ABHD17B: variants seen among roughly 807,000 people sequenced by gnomAD.
ABHD17B encodes the protein alpha/beta hydrolase domain-containing protein 17B.
Under a neutral mutation model 26.2 loss-of-function variants are expected in ABHD17B, and 9 were observed. The observed-to-expected ratio is 0.34, with a 90% CI of 0.21 to 0.60. The LOEUF is 0.60. Ranked by LOEUF, ABHD17B falls within the 20% of genes least tolerant of loss-of-function variation. The pLI is 0.80. For missense variants in ABHD17B, 224 were observed against 352.1 expected, an observed-to-expected ratio of 0.64 and a Z score of 2.91; for synonymous variants, 127 against 122.3, an observed-to-expected ratio of 1.04 and a Z score of -0.25.
chr9:71,885,838 G>T (rs1826591946), intron 1 of ABHD17B, among the ~76,000 whole-genome samples: 1 of 152,088 alleles, frequency 6.6e-6, no homozygotes, highest in African/African-American at 2.4e-5. Context: ...TGATCTCCTT[G>T]TAATAGTTTC....
Position 71,874,955 on chromosome 9 carries a change from G to A in ABHD17B, c.126C>T (p.Ser42=), listed in dbSNP as rs780063400. 2.8e-5 allele frequency: 46 copies of A among 1,614,052 alleles called. No individual in the cohort carries two copies. The highest frequency in any genetic ancestry group is 3.3e-4 in the Middle Eastern group (2 of 6,084). The change falls in exon 2 of 4, where the codon AGC becomes AGT. Residue 42 remains serine, a synonymous_variant. Transcript: ENST00000333421. ...DPTYTLMCDE[S]GSRWTLHLSE... is the part of the protein sequence containing the mutation. ...ACAGATGTAAAGTCCAACGGCTTCC[G>A]CTTTCATCACACATCAGTGTGTAAG...
chr9:71,865,756 G>A lies in ABHD17B; in HGVS notation c.*1031C>T, dbSNP rs1437141945. ...AGCATCTGTAATACCAGCTACTCAG[G>A]AGGCTGAGGCAGGAGAATCACTTGA... On this transcript the variant is annotated 3_prime_UTR_variant, in exon 4 of 4. Coordinates refer to ENST00000333421, the MANE Select transcript of ABHD17B (RefSeq NM_001025780.3). The A allele has an allele frequency of 1.6e-6, 1 of 628,478 alleles. No homozygotes were observed. The highest frequency in any genetic ancestry group is 7.1e-5 in the South Asian group (1 of 14,004). 38.9% of individuals were successfully genotyped at this position (628,478 alleles called of 1,614,324 possible). A position where few individuals can be genotyped will look rare whatever the true frequency, so the allele number is the denominator to read the frequency against.
intron 1 of ABHD17B, among the ~76,000 whole-genome samples, chr9:71,885,580 T>TA (rs1436853165): frequency 6.6e-6 from 1 of 152,144 alleles, no homozygotes; most frequent in East Asian, 1.9e-4. Context: ...AGCAATTTCC[T>TA]AAAATTGTAT....
rs995644087 is a variant in ABHD17B at position 71,910,948 on chromosome 9, C to G, written c.-318G>C. ...GGGGCGCTGGAGCGGCCGCCGCTGC[C>G]CGTCGGTTGCTCTCGGGCCTCACGT... On this transcript the variant is annotated 5_prime_UTR_variant, in exon 1 of 4. Transcript: ENST00000333421. The G allele has an allele frequency of 1.0e-4, 16 of 152,982 alleles. No individual in the cohort carries two copies. Among genetic ancestry groups the G allele is most frequent in the African/African-American group, 3.9e-4 (16 of 41,460 alleles). 9.5% of individuals were successfully genotyped at this position (152,982 alleles called of 1,614,324 possible).
intron 3 of ABHD17B, among the ~76,000 whole-genome samples, chr9:71,867,513 T>C (rs1825990954): frequency 1.3e-5 from 2 of 152,336 alleles, no homozygotes; most frequent in Admixed American, 1.3e-4. Flanking sequence ...AGAAGATTAA[T>C]GTGTGAAACA....
intron 1 of ABHD17B, among the ~76,000 whole-genome samples, chr9:71,891,822 C>A (rs1216275959): frequency 1.3e-5 from 2 of 152,164 alleles, no homozygotes; most frequent in Admixed American, 1.3e-4. Flanking sequence ...TCAATGGGAC[C>A]AGAAGATACT....
chr9:71,893,400 T>C (rs1183477453), intron 1 of ABHD17B, among the ~76,000 whole-genome samples: 2 of 151,872 alleles, frequency 1.3e-5, no homozygotes, highest in African/African-American at 2.4e-5. Flanking sequence ...CACAACCTCT[T>C]ACTCCAGTCT....
In ABHD17B at chr9:71,897,225, C is replaced by T. The variant is rs150466504; in HGVS notation, c.-4+13409G>A. On this transcript the variant is annotated intron_variant, in intron 1 of 3. Coordinates refer to ENST00000333421, the MANE Select transcript of ABHD17B (RefSeq NM_001025780.3). ...TCCATATCATTAAACTTCTTGTAAC[C>T]TTGCCCTACACGAGATATAAAGTCA... is the stretch of plus-strand genomic sequence containing the variant. Among the ~76,000 whole-genome samples the T allele has an allele frequency of 3.7e-3, 561 of 152,298 alleles. 4 individuals are homozygous for T. The highest frequency in any genetic ancestry group is 0.013 in the African/African-American group (523 of 41,558).
intron 1 of ABHD17B, among the ~76,000 whole-genome samples, chr9:71,892,280 C>T (rs575418158): frequency 1.4e-4 from 22 of 152,126 alleles, no homozygotes; most frequent in African/African-American, 4.1e-4. Flanking sequence ...CACCTGTAAT[C>T]CCAGCACTTT....
Position 71,910,699 on chromosome 9 carries a change from C to T in ABHD17B, c.-69G>A, listed in dbSNP as rs986825245. The T allele has an allele frequency of 3.3e-5, 5 of 152,258 alleles. No homozygotes were observed. Among genetic ancestry groups the T allele is most frequent in the African/African-American group, 1.2e-4 (5 of 41,446 alleles). 9.4% of individuals were successfully genotyped at this position (152,258 alleles called of 1,614,324 possible). A position where few individuals can be genotyped will look rare whatever the true frequency, so the allele number is the denominator to read the frequency against. On this transcript the variant is annotated 5_prime_UTR_variant, in exon 1 of 4. Coordinates refer to ENST00000333421, the MANE Select transcript of ABHD17B (RefSeq NM_001025780.3). ...GGTCGAGAGAGAACCGCAGCCGACG[C>T]GCTGTCCTCCACAAGGCGAGATCCG...
At chr9:71,879,976 C>T (rs1826392204) in intron 1 of ABHD17B, among the ~76,000 whole-genome samples, 1 of 152,040 alleles carries the variant, frequency 6.6e-6, no homozygotes, top group Admixed American at 6.5e-5. Flanking sequence ...AGACTGATCA[C>T]AAGAAAGAGA....
chr9:71,885,973 A>G (rs1389326070), intron 1 of ABHD17B, among the ~76,000 whole-genome samples: 1 of 152,218 alleles, frequency 6.6e-6, no homozygotes, highest in Admixed American at 6.5e-5. Flanking sequence ...GAATGCTTAT[A>G]TCTTTCTTCA....
chr9:71,864,276 G>A (rs1825898519), downstream of ABHD17B, among the ~76,000 whole-genome samples: 1 of 131,340 alleles, frequency 7.6e-6, no homozygotes, highest in Non-Finnish European at 1.5e-5. Context: ...CTGGAGTGCA[G>A]TGGTGCGATC....
chr9:71,872,229 T>C (rs990795808), intron 2 of ABHD17B, among the ~76,000 whole-genome samples: 7 of 152,190 alleles, frequency 4.6e-5, no homozygotes, highest in African/African-American at 1.7e-4. Flanking sequence ...ACTCCAACTA[T>C]ATTTTGGTTT....
chr9:71,870,206 G>A lies in ABHD17B; in HGVS notation c.524C>T (p.Pro175Leu). ...IIYGQSIGTV[P>L]SVDLAARYES... ...ATATCGAGCAGCAAGATCCACAGACGGTACTGTCCCTATACTTTGGCCATA... is the reference window on the plus strand; with the variant it reads ...ATATCGAGCAGCAAGATCCACAGACAGTACTGTCCCTATACTTTGGCCATA... Residue 175 changes from proline (P) to leucine (L), a missense_variant, in exon 3 of 4, where the codon CCG becomes CTG. By Grantham distance (98) the Pro-to-Leu change is moderately conservative. Coordinates refer to ENST00000333421, the MANE Select transcript of ABHD17B (RefSeq NM_001025780.3). The A allele has an allele frequency of 3.1e-6, 5 of 1,613,878 alleles. No individual in the cohort carries two copies. Among genetic ancestry groups the A allele is most frequent in the Non-Finnish European group, 3.4e-6 (4 of 1,179,926 alleles).
intron 1 of ABHD17B, among the ~76,000 whole-genome samples, chr9:71,906,234 T>G (rs1009633712): frequency 6.6e-6 from 1 of 152,206 alleles, no homozygotes; most frequent in African/African-American, 2.4e-5. Context: ...ATAGATGATT[T>G]GTTATGAATG....
At chr9:71,890,451 C>A (rs551994243) in intron 1 of ABHD17B, among the ~76,000 whole-genome samples, 2 of 152,298 alleles carry the variant, frequency 1.3e-5, no homozygotes, top group South Asian at 4.1e-4. Context: ...TCTGGCTCCC[C>A]CATGTAATCA....
intron 2 of ABHD17B, 87 bp from the exon 3 acceptor site, chr9:71,870,349 A>G: frequency 8.1e-7 from 1 of 1,228,148 alleles, no homozygotes; most frequent in African/African-American, 1.5e-5. Flanking sequence ...TGATCTTAGA[A>G]TAAGACAATG....
chr9:71,866,929 T>G lies in ABHD17B; in HGVS notation c.725A>C (p.His242Pro). The G allele has an allele frequency of 6.2e-7, 1 of 1,614,156 alleles. No individual in the cohort carries two copies. Among genetic ancestry groups the G allele is most frequent in the Non-Finnish European group, 8.5e-7 (1 of 1,180,020 alleles). ...GTEDEVIDFS[H>P]GLALFERCQR... Reference sequence around the variant, plus strand: ...GCAACGTTCAAACAATGCGAGGCCATGTGAAAAGTCAATGACTTCATCTTC... The same window carrying G: ...GCAACGTTCAAACAATGCGAGGCCAGGTGAAAAGTCAATGACTTCATCTTC... The change falls in exon 4 of 4, where the codon CAT (histidine) becomes CCT (proline). Residue 242 changes from histidine (H) to proline (P), a missense_variant. Transcript: ENST00000333421.
Sources: allele counts gnomAD v4.1 joint callset (sites outside exome capture counted in the v4.1 genomes callset), GRCh38; gene constraint gnomAD v4.1.1; transcripts MANE v1.5; gene names NCBI Gene and HGNC (gene_info 2026-07-23, HGNC 2026-07-21).